Variants in KDM3B observed in about 807,000 individuals in gnomAD.
KDM3B encodes lysine-specific demethylase 3B.
A neutral mutation model predicts 170.0 loss-of-function variants in KDM3B; 10 were observed. The observed-to-expected ratio is 0.06, with a 90% CI of 0.04 to 0.10. KDM3B has a LOEUF of 0.10. KDM3B is among the 10% of genes least tolerant of loss of function. The pLI is 1.00. For synonymous variants in KDM3B, 831 were observed against 834.8 expected, an observed-to-expected ratio of 1.00 and a Z score of 0.08; for missense variants, 1,394 against 2,195.2, an observed-to-expected ratio of 0.64 and a Z score of 7.29.
chr5:138,424,716 G>T (rs1009124361), intron 16 of KDM3B, among the ~76,000 whole-genome samples: 2 of 152,142 alleles, frequency 1.3e-5, no homozygotes, highest in Non-Finnish European at 2.9e-5. Flanking sequence ...GAAGCAGAGG[G>T]TGCGGTGAGC....
intron 3 of KDM3B, among the ~76,000 whole-genome samples, chr5:138,375,544 A>AT (rs1761976545): frequency 6.6e-6 from 1 of 151,314 alleles, no homozygotes; most frequent in Non-Finnish European, 1.5e-5. Flanking sequence ...AGCCCGGCTT[A>AT]TTTTTTTGTA....
At chr5:138,385,072 A>G (rs1250240170) in intron 6 of KDM3B, among the ~76,000 whole-genome samples, 2 of 151,042 alleles carry the variant, frequency 1.3e-5, no homozygotes, top group African/African-American at 4.9e-5. Flanking sequence ...CCCAGGCTGG[A>G]GTGCAGTGGC....
chr5:138,410,836 T>TA (rs1244399461), intron 11 of KDM3B, among the ~76,000 whole-genome samples: 1 of 152,204 alleles, frequency 6.6e-6, no homozygotes, highest in African/African-American at 2.4e-5. Flanking sequence ...AAAGACAGCT[T>TA]ACGCCATTAT....
chr5:138,353,065 G>A (rs1191729695), intron 1 of KDM3B, 78 bp downstream of exon 1: 2 of 1,076,496 alleles, frequency 1.9e-6, no homozygotes, highest in Non-Finnish European at 2.3e-6. Flanking sequence ...CCTTTGTGAG[G>A]GGGCGGTGGG....
Position 138,352,701 on chromosome 5 carries a change from T to G in KDM3B, c.-95T>G, listed in dbSNP as rs1029855873. 2.5e-5 allele frequency: 21 copies of G among 827,692 alleles called. No homozygotes were observed. Among genetic ancestry groups the G allele is most frequent in the South Asian group, 6.0e-5 (1 of 16,566 alleles). The allele number at this position is 827,692 out of a possible 1,614,324, so 51.3% of individuals were successfully genotyped here. On this transcript the variant is annotated 5_prime_UTR_variant, in exon 1 of 24. Coordinates refer to ENST00000314358, the MANE Select transcript of KDM3B (RefSeq NM_016604.4). ...GGTGGGGGGGAACGGCGGCCGCGGG[T>G]GGTGCGGAGGGAGGCCTTGCGGGCG...
intron 9 of KDM3B, 136 bp downstream of exon 9, chr5:138,393,508 G>A: frequency 1.4e-6 from 1 of 697,592 alleles, no homozygotes; most frequent in East Asian, 2.7e-5. Context: ...CAGCGTCTGT[G>A]AAGAGGCTCT....
intron 22 of KDM3B, 99 bp from the exon 23 acceptor site, chr5:138,431,326 T>A: frequency 1.0e-6 from 1 of 1,000,838 alleles, no homozygotes; most frequent in Non-Finnish European, 1.4e-6. Context: ...ATATTATACC[T>A]ATTTCTCAAG....
intron 21 of KDM3B, 72 bp downstream of exon 21, chr5:138,430,037 G>T: frequency 2.5e-6 from 4 of 1,579,976 alleles, no homozygotes; most frequent in Non-Finnish European, 3.5e-6. Flanking sequence ...CCTATCTAGG[G>T]TTTCTCATGT....
intron 6 of KDM3B, among the ~76,000 whole-genome samples, chr5:138,383,641 A>G (rs1357307853): frequency 1.3e-5 from 2 of 152,214 alleles, no homozygotes; most frequent in African/African-American, 4.8e-5. Context: ...ACTGATTGTG[A>G]TCTGCAACAG....
At chr5:138,366,405 A>G (rs79497947) in intron 1 of KDM3B, among the ~76,000 whole-genome samples, 4,079 of 151,926 alleles carry the variant, frequency 0.027, 193 homozygotes, top group African/African-American at 0.092. Flanking sequence ...ATCATAGTTC[A>G]CTGTAGCCCT....
At position 138,358,713 on chromosome 5, in the gene KDM3B, G is replaced by A. The variant is rs1580872262; in HGVS notation, c.192+5726G>A. 3.3e-5 allele frequency among the ~76,000 whole-genome samples: 5 copies of A among 151,926 alleles called. No homozygotes were observed. The East Asian group carries it at 9.7e-4, about 29-fold the overall frequency. ...GGGCTCAGTTGGTCCTCCTGCCTCA[G>A]CTTCCTGATTAGCTGGGACTACAGG... On this transcript the variant is annotated intron_variant, in intron 1 of 23. Coordinates refer to ENST00000314358, the MANE Select transcript of KDM3B (RefSeq NM_016604.4).
intron 4 of KDM3B, among the ~76,000 whole-genome samples, chr5:138,378,513 T>G (rs763215803): frequency 7.2e-5 from 11 of 152,188 alleles, no homozygotes; most frequent in Admixed American, 5.2e-4. Flanking sequence ...GGTAAACTAT[T>G]GGCTTCATTT....
intron 11 of KDM3B, among the ~76,000 whole-genome samples, chr5:138,410,488 C>CA (rs976130084): frequency 2.2e-4 from 32 of 146,852 alleles, no homozygotes; most frequent in East Asian, 5.9e-4. Flanking sequence ...ATCCATATTC[C>CA]AAAAAAAAAA....
In KDM3B at chr5:138,392,137, G is replaced by A. The variant is rs1419207144; in HGVS notation, c.2505G>A (p.Lys835=). Residue 835 remains lysine, a synonymous_variant, in exon 8 of 24, where the codon AAG becomes AAA. Coordinates refer to ENST00000314358, the MANE Select transcript of KDM3B (RefSeq NM_016604.4). ...AGCTGCAGGCTAAGACAGGCCTGAAGGGAATTCCAGAGCACCTGATGGGGA... is the reference window on the plus strand; with the variant it reads ...AGCTGCAGGCTAAGACAGGCCTGAAAGGAATTCCAGAGCACCTGATGGGGA... The part of the protein sequence containing the change: ...EEQLQAKTGL[K]GIPEHLMGKL... The A allele has an allele frequency of 6.3e-7, 1 of 1,590,726 alleles. No individual in the cohort carries two copies. Among genetic ancestry groups the A allele is most frequent in the Admixed American group, 1.7e-5 (1 of 58,796 alleles).
At chr5:138,430,575 T>A in intron 22 of KDM3B, 150 bp downstream of exon 22, 1 of 791,540 alleles carries the variant, frequency 1.3e-6, no homozygotes, top group Non-Finnish European at 1.9e-6. Flanking sequence ...TTCTTCCTTG[T>A]AACATTAAGG....
At position 138,377,833 on chromosome 5, in the gene KDM3B, C is replaced by T. The variant is rs759055511; in HGVS notation, c.580+8C>T. On this transcript the variant is annotated splice_region_variant and intron_variant, in intron 4 of 23. Transcript: ENST00000314358. ...AAGAGATATTCAGCCGAGGTAAGAA[C>T]GGATAGTCTTCTGTCCCTGAACTCT... 1.3e-5 allele frequency: 20 copies of T among 1,590,788 alleles called. No individual in the cohort carries two copies. The highest frequency in any genetic ancestry group is 9.9e-5 in the South Asian group (9 of 90,564).
At chr5:138,411,167 C>T (rs1036131391) in intron 11 of KDM3B, among the ~76,000 whole-genome samples, 7 of 152,192 alleles carry the variant, frequency 4.6e-5, no homozygotes, top group Admixed American at 1.3e-4. Flanking sequence ...TGGCAACGGG[C>T]GTCTTCCCAA....
At chr5:138,387,834 C>A (rs1478076457) in intron 7 of KDM3B, among the ~76,000 whole-genome samples, 4 of 152,210 alleles carry the variant, frequency 2.6e-5, no homozygotes, top group African/African-American at 9.7e-5. Context: ...GTAATCCCAG[C>A]ACTTTGGGAG....
chr5:138,423,760 C>G (rs905415301), intron 15 of KDM3B, among the ~76,000 whole-genome samples: 5 of 152,204 alleles, frequency 3.3e-5, no homozygotes, highest in Admixed American at 2.0e-4. Flanking sequence ...ATGATCCCTA[C>G]AGTCTACATG....
Sources: allele counts gnomAD v4.1 joint callset (sites outside exome capture counted in the v4.1 genomes callset), GRCh38; gene constraint gnomAD v4.1.1; transcripts MANE v1.5; gene names NCBI Gene and HGNC (gene_info 2026-07-23, HGNC 2026-07-21).